The following C12orf54 variants were observed in gnomAD, a reference collection of about 807,000 sequenced individuals.
C12orf54 encodes the protein uncharacterized protein C12orf54.
In C12orf54, 24 loss-of-function variants were observed where a neutral mutation model predicts 26.4. The ratio of observed to expected loss-of-function variants is 0.91; its 90% confidence interval spans 0.66 to 1.28. The LOEUF is 1.28. Among genes scored for constraint, C12orf54 ranks in the 50% most tolerant of loss-of-function variants. The pLI, the probability that C12orf54 is intolerant of heterozygous loss-of-function variation, is 0.00. For missense variants in C12orf54, 154 were observed against 150.9 expected (o/e 1.02, Z -0.11); for synonymous variants, 54 against 47.0 (o/e 1.15, Z -0.61).
chr12:48,494,213 CT>C (rs1937861572), intron 7 of C12orf54, among the ~76,000 whole-genome samples: 1 of 151,790 alleles, frequency 6.6e-6, no homozygotes, highest in South Asian at 2.1e-4. Context: ...GAGTGAAACT[CT>C]GTCTCAAAAA....
At chr12:48,434,824 G>GA in the C12orf54 span, among the ~76,000 whole-genome samples, 4 of 152,158 alleles carry the variant, frequency 2.6e-5, no homozygotes, top group South Asian at 6.2e-4. Context: ...AAACAGAACA[G>GA]AAAAAACAGA....
the C12orf54 span, among the ~76,000 whole-genome samples, chr12:48,445,124 G>C: frequency 6.6e-6 from 1 of 152,066 alleles, no homozygotes; most frequent in South Asian, 2.1e-4. Flanking sequence ...AGTGAGCCAA[G>C]ATCGTGCCAC....
At chr12:48,452,128 A>G in the C12orf54 span, among the ~76,000 whole-genome samples, 3 of 152,258 alleles carry the variant, frequency 2.0e-5, no homozygotes, top group African/African-American at 7.2e-5. Flanking sequence ...TACTGGTACA[A>G]GAACAGACAC....
At chr12:48,463,596 C>G in the C12orf54 span, among the ~76,000 whole-genome samples, 1 of 151,570 alleles carries the variant, frequency 6.6e-6, no homozygotes, top group Admixed American at 6.6e-5. Flanking sequence ...ATAGCAAAAC[C>G]TGGAGGACAC....
chr12:48,482,947 C>T lies in C12orf54; in HGVS notation c.-57-293C>T, dbSNP rs184880374. ...ACTTAGATTCTCTCTTTTTTTTTTT[C>T]GTCTACTTCCTCACTGCAATTTCTG... On this transcript the variant is annotated intron_variant, in intron 1 of 8. Transcript: ENST00000548364. 6.4e-3 allele frequency among the ~76,000 whole-genome samples: 953 copies of T among 148,448 alleles called. 4 individuals carry two copies. The highest frequency in any genetic ancestry group is 0.01 in the Admixed American group (153 of 14,940).
the C12orf54 span, among the ~76,000 whole-genome samples, chr12:48,427,931 G>T: frequency 6.6e-6 from 1 of 152,090 alleles, no homozygotes; most frequent in East Asian, 1.9e-4. Flanking sequence ...CACAAAACAA[G>T]CCTCAGTAAG....
chr12:48,458,254 A>G, the C12orf54 span, among the ~76,000 whole-genome samples: 2 of 152,224 alleles, frequency 1.3e-5, no homozygotes, highest in African/African-American at 4.8e-5. Flanking sequence ...CTCAGCAGCT[A>G]GTGAGGAGAA....
upstream of C12orf54, among the ~76,000 whole-genome samples, chr12:48,477,962 C>T (rs1231219066): frequency 2.6e-5 from 4 of 152,150 alleles, no homozygotes; most frequent in Non-Finnish European, 5.9e-5. Flanking sequence ...AAATTTAGAC[C>T]AATATCCTTG....
chr12:48,418,259 G>A, the C12orf54 span, among the ~76,000 whole-genome samples: 1 of 152,184 alleles, frequency 6.6e-6, no homozygotes, highest in East Asian at 1.9e-4. Context: ...GTGTCTGGAA[G>A]GGAAAGACAT....
At position 48,490,835 on chromosome 12, in the gene C12orf54, A is replaced by G. The variant is rs1260497942; in HGVS notation, c.192A>G (p.Arg64=). The part of the protein sequence containing the change: ...QKELQEDARI[R]GMSNCSMTPM... The stretch of plus-strand genomic sequence containing the variant: ...AGCTGCAGGAAGATGCTCGGATTCG[A>G]GGTAAAACAGCACCATTCCAAGGTT... Residue 64 remains arginine, a splice_region_variant and synonymous_variant, in exon 6 of 9, where the codon CGA becomes CGG. Coordinates refer to ENST00000548364, the MANE Select transcript of C12orf54 (RefSeq NM_152319.4). 1.9e-6 allele frequency: 3 copies of G among 1,613,406 alleles called. No homozygotes were observed. The highest frequency in any genetic ancestry group is 2.5e-6 in the Non-Finnish European group (3 of 1,179,398).
the C12orf54 span, among the ~76,000 whole-genome samples, chr12:48,437,929 A>G: frequency 6.6e-6 from 1 of 152,176 alleles, no homozygotes; most frequent in Non-Finnish European, 1.5e-5. Flanking sequence ...AAGGAAATAA[A>G]GGGCATTCAG....
At chr12:48,472,070 A>G in the C12orf54 span, among the ~76,000 whole-genome samples, 56 of 152,228 alleles carry the variant, frequency 3.7e-4, no homozygotes, top group Middle Eastern at 6.8e-3. Context: ...CTCCTTGGTT[A>G]GCTGTATTCC....
chr12:48,481,596 G>A (rs117763816), upstream of C12orf54, among the ~76,000 whole-genome samples: 929 of 152,202 alleles, frequency 6.1e-3, 5 homozygotes, highest in Middle Eastern at 0.014. Context: ...GTGGAGCGCC[G>A]AGCCAATGTT....
chr12:48,445,656 A>G, the C12orf54 span, among the ~76,000 whole-genome samples: 5 of 152,328 alleles, frequency 3.3e-5, 1 homozygote, highest in East Asian at 1.9e-4. Context: ...ATAGCAAGAT[A>G]TAGGAAAGAG....
the C12orf54 span, among the ~76,000 whole-genome samples, chr12:48,441,077 CTT>C: frequency 6.6e-6 from 1 of 152,116 alleles, no homozygotes; most frequent in Non-Finnish European, 1.5e-5. Context: ...ATAGGAATAA[CTT>C]AAGCATTTAT....
chr12:48,449,984 C>T, the C12orf54 span, among the ~76,000 whole-genome samples: 11 of 152,206 alleles, frequency 7.2e-5, no homozygotes, highest in South Asian at 1.0e-3. Context: ...TTTCTCTTGC[C>T]GCTGTCATGT....
At chr12:48,471,758 G>C in the C12orf54 span, among the ~76,000 whole-genome samples, 3 of 152,188 alleles carry the variant, frequency 2.0e-5, no homozygotes, top group African/African-American at 7.2e-5. Context: ...TTATAGGATA[G>C]TTTGAAGTCA....
chr12:48,419,497 G>A, the C12orf54 span, among the ~76,000 whole-genome samples: 2 of 152,256 alleles, frequency 1.3e-5, no homozygotes, highest in Middle Eastern at 3.4e-3. Flanking sequence ...ATCTTTCAAT[G>A]TTCCCAAGCA....
At chr12:48,487,853 A>G (rs185955597) in intron 4 of C12orf54, 4 of 521,988 alleles carry the variant, frequency 7.7e-6, no homozygotes, top group African/African-American at 7.6e-5. Context: ...TCCAACAGTC[A>G]CTGGATCCAT....
Sources: allele counts gnomAD v4.1 joint callset (sites outside exome capture counted in the v4.1 genomes callset), GRCh38; gene constraint gnomAD v4.1.1; transcripts MANE v1.5; gene names NCBI Gene and HGNC (gene_info 2026-07-23, HGNC 2026-07-21).